The following EXD3 variants were observed in gnomAD, a reference collection of about 807,000 sequenced individuals.
The protein encoded by EXD3 is exonuclease mut-7 homolog.
EXD3 carries 92 observed loss-of-function variants against 98.0 expected under a neutral mutation model. The ratio of observed to expected loss-of-function variants is 0.94; its 90% CI spans 0.79 to 1.12. EXD3 has a LOEUF of 1.12. Among genes scored for constraint, EXD3 ranks in the 50% most tolerant of loss-of-function variants. The probability of loss-of-function intolerance (pLI) is 0.00; values close to 1 mark genes in which losing one functional copy is unlikely to be tolerated. For missense variants in EXD3, 1,222 were observed against 1,191.6 expected (o/e 1.03, Z -0.38); for synonymous variants, 569 against 526.0 (o/e 1.08, Z -1.12).
intron 2 of EXD3, among the ~76,000 whole-genome samples, chr9:137,394,993 C>G (rs376557281): frequency 1.3e-5 from 2 of 152,110 alleles, no homozygotes; most frequent in Non-Finnish European, 2.9e-5. Flanking sequence ...CCCACCTCTG[C>G]GGCCAGCCCT....
intron 3 of EXD3, among the ~76,000 whole-genome samples, chr9:137,380,966 T>C (rs1474854988): frequency 6.8e-6 from 1 of 146,598 alleles, no homozygotes; most frequent in Non-Finnish European, 1.5e-5. Flanking sequence ...AGGCGTGGTG[T>C]TGCACACCTA....
chr9:137,369,171 G>C (rs1315099390), intron 5 of EXD3, among the ~76,000 whole-genome samples: 6 of 149,868 alleles, frequency 4.0e-5, no homozygotes, highest in Non-Finnish European at 9.0e-5. Flanking sequence ...GCCGTGGGAA[G>C]GGGCGCAGGG....
chr9:137,337,583 G>A (rs1056497603), intron 17 of EXD3, among the ~76,000 whole-genome samples: 7 of 151,806 alleles, frequency 4.6e-5, no homozygotes, highest in Admixed American at 1.3e-4. Context: ...CCCGGGAGGC[G>A]GAGCTTGCAG....
rs73581568 is a variant in EXD3, at chr9:137,354,068, G to A, written c.870+271C>T. Reference sequence around the variant, plus strand: ...CCCACCCGGCCCCACAGGCAGCTCCGCTGGGTTGGTTCGGGTGGCACGGAC... The same window carrying A: ...CCCACCCGGCCCCACAGGCAGCTCCACTGGGTTGGTTCGGGTGGCACGGAC... On this transcript the variant is annotated intron_variant, in intron 10 of 21. Transcript: ENST00000340951. 8.6e-4 allele frequency: 1,045 copies of A among 1,220,876 alleles called. 8 individuals are homozygous for A. In the African/African-American group the frequency reaches 0.015, roughly 17 times the overall value. 75.6% of individuals were successfully genotyped at this position (1,220,876 alleles called of 1,614,324 possible). A position where few individuals can be genotyped will look rare whatever the true frequency, so the allele number is the denominator to read the frequency against.
chr9:137,413,346 G>A (rs1397746720), intron 1 of EXD3, among the ~76,000 whole-genome samples: 7 of 151,902 alleles, frequency 4.6e-5, no homozygotes, highest in Non-Finnish European at 7.4e-5. Flanking sequence ...GACTATAGGC[G>A]CCTGCCACCA....
intron 2 of EXD3, among the ~76,000 whole-genome samples, chr9:137,390,283 T>C (rs979467459): frequency 6.7e-6 from 1 of 150,352 alleles, no homozygotes; most frequent in Non-Finnish European, 1.5e-5. Context: ...ATACAAAAAA[T>C]TAGCCGGGAG....
chr9:137,374,505 T>C, intron 3 of EXD3: 1 of 966,246 alleles, frequency 1.0e-6, no homozygotes, highest in Non-Finnish European at 1.2e-6. Flanking sequence ...CCGCGCAGCT[T>C]TGAAAGCACT....
chr9:137,404,006 C>A (rs1837599466), intron 1 of EXD3, among the ~76,000 whole-genome samples: 1 of 151,980 alleles, frequency 6.6e-6, no homozygotes, highest in Admixed American at 6.6e-5. Context: ...TCCTCACTGT[C>A]CCGAGGCTGC....
chr9:137,380,449 G>A (rs1028023384), intron 3 of EXD3, among the ~76,000 whole-genome samples: 3 of 9,384 alleles, frequency 3.2e-4, no homozygotes, highest in Non-Finnish European at 5.1e-4. Flanking sequence ...AGTATCCCCC[G>A]CACCCCAACC....
intron 17 of EXD3, among the ~76,000 whole-genome samples, chr9:137,328,217 T>C (rs1464452583): frequency 6.6e-6 from 1 of 151,278 alleles, no homozygotes; most frequent in African/African-American, 2.4e-5. Context: ...TCCCATATGA[T>C]GAGTAAAAAC....
intron 1 of EXD3, among the ~76,000 whole-genome samples, chr9:137,409,659 G>A (rs1350852774): frequency 1.3e-5 from 2 of 152,216 alleles, no homozygotes; most frequent in Non-Finnish European, 1.5e-5. Context: ...GACATGGGCT[G>A]ATGTGACTGA....
chr9:137,339,252 C>T (rs1355649511), intron 17 of EXD3, among the ~76,000 whole-genome samples: 1 of 151,976 alleles, frequency 6.6e-6, no homozygotes, highest in Non-Finnish European at 1.5e-5. Flanking sequence ...TTAAACATTA[C>T]TCAGTTGCAG....
rs1235491159 is a variant in EXD3 at position 137,360,875 on chromosome 9, T to C, written c.657-4507A>G. On this transcript the variant is annotated intron_variant, in intron 7 of 21. Coordinates refer to ENST00000340951, the MANE Select transcript of EXD3 (RefSeq NM_017820.5). ...CCAGTGATCTTGCTAAATTTACTTA[T>C]TAATTCTAATAATTTATCTGTAGAT... Among the ~76,000 whole-genome samples, 2 of 87,450 alleles carry C rather than the reference T, an allele frequency of 2.3e-5. 1 individual carries two copies. The highest frequency in any genetic ancestry group is 6.3e-5 in the African/African-American group (2 of 31,650). The allele number at this position is 87,450 out of a possible 152,430, so 57.4% of individuals were successfully genotyped here. A position where few individuals can be genotyped will look rare whatever the true frequency, so the allele number is the denominator to read the frequency against.
chr9:137,312,575 C>T (rs1831422517), intron 19 of EXD3, among the ~76,000 whole-genome samples: 1 of 152,158 alleles, frequency 6.6e-6, no homozygotes, highest in Non-Finnish European at 1.5e-5. Flanking sequence ...AGTGGACGCC[C>T]ACCCTCCAGG....
chr9:137,397,650 G>A (rs991942229), intron 1 of EXD3, among the ~76,000 whole-genome samples: 23 of 152,200 alleles, frequency 1.5e-4, no homozygotes, highest in Admixed American at 3.3e-4. Context: ...TTTCAACTGC[G>A]TTCACAGAAT....
chr9:137,338,394 T>C (rs564391853), intron 17 of EXD3, among the ~76,000 whole-genome samples: 8 of 152,086 alleles, frequency 5.3e-5, no homozygotes, highest in Non-Finnish European at 7.4e-5. Context: ...AACAATACTT[T>C]GAGAAAAATT....
At chr9:137,368,093 G>T in intron 5 of EXD3, 104 bp from the exon 6 acceptor site, 1 of 945,860 alleles carries the variant, frequency 1.1e-6, no homozygotes, top group Non-Finnish European at 1.6e-6. Context: ...TGGTCACTGA[G>T]GCCGGAGTGC....
intron 20 of EXD3, among the ~76,000 whole-genome samples, chr9:137,309,384 T>C (rs1831239934): frequency 6.6e-6 from 1 of 152,190 alleles, no homozygotes; most frequent in Non-Finnish European, 1.5e-5. Context: ...TCTGGTCTGC[T>C]ACCACACAGA....
chr9:137,355,485 A>C (rs868775189), intron 8 of EXD3, among the ~76,000 whole-genome samples: 208 of 62,058 alleles, frequency 3.4e-3, no homozygotes, highest in African/African-American at 0.014. Flanking sequence ...GGAAGGAGGA[A>C]GGAGGATGGA....
Sources: gnomAD v4.1 joint callset for allele counts (sites outside exome capture counted in the v4.1 genomes callset) on GRCh38, gnomAD v4.1.1 for gene constraint, MANE v1.5 for transcripts, NCBI Gene and HGNC (gene_info 2026-07-23, HGNC 2026-07-21) for gene names.